ANTXR2: variants seen among roughly 807,000 people sequenced by gnomAD.
ANTXR2 encodes the protein ANTXR cell adhesion molecule 2.
ANTXR2 carries 44 observed loss-of-function variants against 73.7 expected under a neutral mutation model. The ratio of observed to expected loss-of-function variants is 0.60; its 90% confidence interval spans 0.47 to 0.77. The LOEUF (loss-of-function observed/expected upper bound fraction) is 0.77. Among genes scored for constraint, ANTXR2 ranks in the 30% least tolerant of loss-of-function variants. ANTXR2 has a pLI of 0.00. For missense variants in ANTXR2, 604 were observed against 592.5 expected, an observed-to-expected ratio of 1.02 and a Z score of -0.20; for synonymous variants, 217 against 205.9, an observed-to-expected ratio of 1.05 and a Z score of -0.46.
intron 10 of ANTXR2, among the ~76,000 whole-genome samples, chr4:80,021,281 G>T (rs1367399831): frequency 6.6e-6 from 1 of 150,942 alleles, no homozygotes; most frequent in African/African-American, 2.4e-5. Context: ...TATTAAGAAA[G>T]AAAACTTAAA....
intron 16 of ANTXR2, among the ~76,000 whole-genome samples, chr4:79,961,882 CAAGAT>C (rs749405619): frequency 3.9e-5 from 6 of 152,050 alleles, no homozygotes; most frequent in Non-Finnish European, 7.4e-5. Context: ...AAATTTTACT[CAAGAT>C]AAATATTTAT....
At chr4:79,957,012 C>G (rs1728913440) in intron 16 of ANTXR2, among the ~76,000 whole-genome samples, 1 of 152,070 alleles carries the variant, frequency 6.6e-6, no homozygotes, top group Admixed American at 6.6e-5. Context: ...TCCACCAAAT[C>G]CACCAATTTG....
At chr4:80,061,112 G>A (rs1254088015) in intron 3 of ANTXR2, among the ~76,000 whole-genome samples, 1 of 152,096 alleles carries the variant, frequency 6.6e-6, no homozygotes, top group Non-Finnish European at 1.5e-5. Context: ...GTTTTCATAT[G>A]ACAGATGGTT....
At chr4:79,918,502 G>A (rs1396592127) in intron 16 of ANTXR2, among the ~76,000 whole-genome samples, 3 of 151,984 alleles carry the variant, frequency 2.0e-5, no homozygotes, top group African/African-American at 2.4e-5. Context: ...TGATAAGCAC[G>A]ACAGTTGACT....
At chr4:80,032,994 C>T (rs969541727) in intron 9 of ANTXR2, among the ~76,000 whole-genome samples, 1 of 150,238 alleles carries the variant, frequency 6.7e-6, no homozygotes. Context: ...ATAAAGAAAA[C>T]AAGTGACAAA....
At chr4:79,935,203 T>G (rs1728214162) in intron 16 of ANTXR2, among the ~76,000 whole-genome samples, 1 of 151,888 alleles carries the variant, frequency 6.6e-6, no homozygotes, top group East Asian at 1.9e-4. Flanking sequence ...AGTTTAAAAA[T>G]TACATGTCAT....
Position 79,907,302 on chromosome 4 carries a change from C to A in ANTXR2, c.*127G>T. 1 of 1,014,830 alleles carries A rather than the reference C, an allele frequency of 9.9e-7. No individual in the cohort carries two copies. Among genetic ancestry groups the A allele is most frequent in the Non-Finnish European group, 1.5e-6 (1 of 664,190 alleles). The allele number at this position is 1,014,830 out of a possible 1,614,324, so 62.9% of individuals were successfully genotyped here. A position where few individuals can be genotyped will look rare whatever the true frequency, so the allele number is the denominator to read the frequency against. ...AGCAGAAGGCAGAGAAAACATTTCC[C>A]GACTGAGAGGAATTAAGCTGCTCTT... On this transcript the variant is annotated 3_prime_UTR_variant, in exon 17 of 17. Coordinates refer to ENST00000403729, the MANE Select transcript of ANTXR2 (RefSeq NM_058172.6).
intron 16 of ANTXR2, among the ~76,000 whole-genome samples, chr4:79,926,969 G>GCATGTATGTGTA (rs1727826352): frequency 3.7e-5 from 3 of 81,078 alleles, no homozygotes; most frequent in South Asian, 3.2e-4. Context: ...GCATATATGT[G>GCATGTATGTGTA]TATATATACG....
In ANTXR2 at chr4:80,039,774, G is replaced by C. The variant is rs540258091; in HGVS notation, c.637-3742C>G. Reference sequence around the variant, plus strand: ...ATTTGACCCAGCAATCCCATTACAGGATACATATCCAAAAGAAAATAAATT... The same window carrying C: ...ATTTGACCCAGCAATCCCATTACAGCATACATATCCAAAAGAAAATAAATT... On this transcript the variant is annotated intron_variant, in intron 7 of 16. Coordinates refer to ENST00000403729, the MANE Select transcript of ANTXR2 (RefSeq NM_058172.6). Among the ~76,000 whole-genome samples the C allele has an allele frequency of 3.3e-5, 5 of 152,072 alleles. No individual in the cohort carries two copies. In the East Asian group the frequency reaches 7.7e-4, roughly 24 times the overall value.
At chr4:79,910,517 A>G (rs1419133229) in intron 16 of ANTXR2, among the ~76,000 whole-genome samples, 4 of 109,330 alleles carry the variant, frequency 3.7e-5, no homozygotes, top group African/African-American at 2.0e-4. Flanking sequence ...CAAAAAAAAA[A>G]AAAAAGAAAA....
intron 11 of ANTXR2, among the ~76,000 whole-genome samples, chr4:80,013,309 T>C (rs1731686643): frequency 6.6e-6 from 1 of 152,208 alleles, no homozygotes; most frequent in African/African-American, 2.4e-5. Flanking sequence ...ACTTGCTCTG[T>C]GTAAGGACCA....
chr4:80,001,982 G>T (rs1479589443), intron 12 of ANTXR2, among the ~76,000 whole-genome samples: 1 of 151,968 alleles, frequency 6.6e-6, no homozygotes, highest in African/African-American at 2.4e-5. Flanking sequence ...TGGCCATACT[G>T]CCCAAGGTAA....
chr4:80,059,399 C>G (rs974436917), intron 3 of ANTXR2, among the ~76,000 whole-genome samples: 5 of 151,896 alleles, frequency 3.3e-5, no homozygotes, highest in Non-Finnish European at 5.9e-5. Flanking sequence ...CACTCTGTCA[C>G]CCAGGCTGGA....
intron 10 of ANTXR2, among the ~76,000 whole-genome samples, chr4:80,028,721 C>T (rs138023875): frequency 6.6e-6 from 1 of 152,232 alleles, no homozygotes; most frequent in African/African-American, 2.4e-5. Flanking sequence ...AATCCTTAGC[C>T]AAAAGCTAAT....
At chr4:79,974,046 T>C (rs1488593776) in intron 16 of ANTXR2, among the ~76,000 whole-genome samples, 1 of 152,204 alleles carries the variant, frequency 6.6e-6, no homozygotes, top group Non-Finnish European at 1.5e-5. Flanking sequence ...CAGCAAGGAA[T>C]TTAACACAAT....
intron 16 of ANTXR2, among the ~76,000 whole-genome samples, chr4:79,924,482 C>A (rs1490065123): frequency 6.6e-6 from 1 of 151,952 alleles, no homozygotes; most frequent in Non-Finnish European, 1.5e-5. Flanking sequence ...TAGAGCAAAA[C>A]CCTGTGTCTA....
chr4:80,004,772 C>T (rs150854043), intron 12 of ANTXR2, among the ~76,000 whole-genome samples: 1 of 152,018 alleles, frequency 6.6e-6, no homozygotes, highest in African/African-American at 2.4e-5. Flanking sequence ...GGGATTGAGA[C>T]CTGCATGTCT....
chr4:80,057,934 T>C (rs1418468425), intron 3 of ANTXR2, among the ~76,000 whole-genome samples: 1 of 152,072 alleles, frequency 6.6e-6, no homozygotes, highest in Non-Finnish European at 1.5e-5. Flanking sequence ...ATAGCATAAG[T>C]TATGTAATTC....
chr4:80,036,098 T>C (rs1732945960), intron 7 of ANTXR2, 66 bp from the exon 8 acceptor site: 2 of 1,288,424 alleles, frequency 1.6e-6, no homozygotes, highest in African/African-American at 1.5e-5. Context: ...AAGTAAATTA[T>C]AAGATTAGTA....
Sources: gnomAD v4.1 joint callset for allele counts (sites outside exome capture counted in the v4.1 genomes callset) on GRCh38, gnomAD v4.1.1 for gene constraint, MANE v1.5 for transcripts, NCBI Gene and HGNC (gene_info 2026-07-23, HGNC 2026-07-21) for gene names.